SSH2: variants seen among roughly 807,000 people sequenced by gnomAD.
The protein encoded by SSH2 is protein phosphatase Slingshot homolog 2.
A neutral mutation model predicts 135.2 loss-of-function variants in SSH2; 37 were observed. The observed-to-expected ratio is 0.27, with a 90% CI of 0.21 to 0.36. The LOEUF (loss-of-function observed/expected upper bound fraction) is 0.36, where lower values mean the gene tolerates loss of function less well. Ranked by LOEUF, SSH2 falls within the 10% of genes least tolerant of loss-of-function variation. The probability of loss-of-function intolerance (pLI) is 1.00; values close to 1 mark genes in which losing one functional copy is unlikely to be tolerated. For synonymous variants in SSH2, 628 were observed against 646.2 expected (o/e 0.97, Z 0.43); for missense variants, 1,408 against 1,765.3 (o/e 0.80, Z 3.63).
At chr17:29,637,430 C>T (rs1222268575) in intron 14 of SSH2, among the ~76,000 whole-genome samples, 1 of 152,088 alleles carries the variant, frequency 6.6e-6, no homozygotes, top group African/African-American at 2.4e-5. Context: ...AACCCTTTAA[C>T]CAACAATTCT....
chr17:29,710,556 C>A (rs1055143889), intron 3 of SSH2, among the ~76,000 whole-genome samples: 14 of 152,206 alleles, frequency 9.2e-5, no homozygotes, highest in African/African-American at 3.4e-4. Context: ...TTCTCTGCTT[C>A]GTTGTTTAAT....
At chr17:29,729,995 TCAA>T (rs1280870237) in intron 3 of SSH2, among the ~76,000 whole-genome samples, 3 of 152,030 alleles carry the variant, frequency 2.0e-5, no homozygotes, top group Non-Finnish European at 4.4e-5. Context: ...GTGACTAAAG[TCAA>T]CAACAATAAA....
chr17:29,651,917 C>A (rs556147130), intron 12 of SSH2, among the ~76,000 whole-genome samples: 1 of 152,152 alleles, frequency 6.6e-6, no homozygotes, highest in East Asian at 1.9e-4. Flanking sequence ...CCGAGGTGGG[C>A]GGATCACCAG....
At chr17:29,913,821 A>G (rs2066831678) in intron 1 of SSH2, among the ~76,000 whole-genome samples, 1 of 151,806 alleles carries the variant, frequency 6.6e-6, no homozygotes, top group Non-Finnish European at 1.5e-5. Flanking sequence ...TTTAGTAGAG[A>G]CGGGATTTCT....
At chr17:29,919,450 G>A (rs1179473314) in intron 1 of SSH2, among the ~76,000 whole-genome samples, 1 of 152,196 alleles carries the variant, frequency 6.6e-6, no homozygotes, top group Non-Finnish European at 1.5e-5. Flanking sequence ...AGAGGAAAAT[G>A]AGGGGCACTG....
rs761703834 is a variant in SSH2 at position 29,630,908 on chromosome 17, G to C, written c.4286C>G (p.Pro1429Arg). 14 of 1,604,090 alleles carry C rather than the reference G, an allele frequency of 8.7e-6. No homozygotes were observed. The South Asian group carries it at 1.3e-4, about 15-fold the overall frequency. ...ATTTGCCTTTTTCAGTCTCCTAAGGGGGTGAGTTCTGCCGTGTTGCTGACG... is the reference window on the plus strand; with the variant it reads ...ATTTGCCTTTTTCAGTCTCCTAAGGCGGTGAGTTCTGCCGTGTTGCTGACG... ...APRQQHGRTH[P>R]LRRLKKANDK... Residue 1429 changes from proline (P) to arginine (R), a missense_variant, in exon 16 of 16, where the codon CCC becomes CGC. Pro to Arg is a moderately radical substitution (Grantham distance 103, BLOSUM62 -2). Transcript: ENST00000540801.
intron 3 of SSH2, among the ~76,000 whole-genome samples, chr17:29,765,785 C>T (rs2617877): frequency 0.44 from 67,204 of 151,714 alleles, 15,246 homozygotes; most frequent in Non-Finnish European, 0.48. Context: ...TTTGGGAGGC[C>T]GAGGCCGGTG....
chr17:29,763,911 T>C (rs2041382512), intron 3 of SSH2, among the ~76,000 whole-genome samples: 1 of 151,696 alleles, frequency 6.6e-6, no homozygotes, highest in African/African-American at 2.4e-5. Flanking sequence ...AACTGTAATA[T>C]AGGAAATTAA....
At chr17:29,674,100 C>T (rs2151051111) in intron 8 of SSH2, 1 of 456,700 alleles carries the variant, frequency 2.2e-6, no homozygotes, top group East Asian at 6.9e-5. Flanking sequence ...AAAGGCTGCT[C>T]CAGTTCATTC....
At chr17:29,701,162 G>A (rs1417137070) in intron 4 of SSH2, among the ~76,000 whole-genome samples, 3 of 151,968 alleles carry the variant, frequency 2.0e-5, no homozygotes, top group Non-Finnish European at 2.9e-5. Flanking sequence ...TAGTAGAGAC[G>A]GAGTTTCACC....
intron 3 of SSH2, among the ~76,000 whole-genome samples, chr17:29,793,176 T>C (rs550379456): frequency 3.6e-4 from 55 of 152,228 alleles, no homozygotes; most frequent in African/African-American, 1.2e-3. Context: ...GGAGATAAAA[T>C]AAATGTTATT....
At chr17:29,845,609 A>AT (rs888703071) in intron 2 of SSH2, among the ~76,000 whole-genome samples, 2 of 151,974 alleles carry the variant, frequency 1.3e-5, no homozygotes, top group Admixed American at 1.3e-4. Context: ...GTTTCTCTTT[A>AT]TTTTTTTTGG....
At chr17:29,721,252 A>T (rs1567914519) in intron 3 of SSH2, among the ~76,000 whole-genome samples, 1 of 152,178 alleles carries the variant, frequency 6.6e-6, no homozygotes, top group Admixed American at 6.5e-5. Flanking sequence ...TTTAACTTTC[A>T]TATGTGTTTT....
chr17:29,719,574 A>G (rs1020282657), intron 3 of SSH2, among the ~76,000 whole-genome samples: 1 of 152,074 alleles, frequency 6.6e-6, no homozygotes, highest in Non-Finnish European at 1.5e-5. Flanking sequence ...TCATTTATTG[A>G]GTACCCACCT....
intron 3 of SSH2, among the ~76,000 whole-genome samples, chr17:29,747,594 G>A (rs1187539936): frequency 6.6e-6 from 1 of 152,108 alleles, no homozygotes; most frequent in Admixed American, 6.6e-5. Context: ...TTTCTTTAAG[G>A]TAAACTTAAT....
At chr17:29,768,096 C>T (rs1464870746) in intron 3 of SSH2, among the ~76,000 whole-genome samples, 1 of 152,022 alleles carries the variant, frequency 6.6e-6, no homozygotes, top group South Asian at 2.1e-4. Context: ...ATTAAATTAA[C>T]TCAGGGCCCA....
At chr17:29,661,290 G>C (rs1352365301) in intron 11 of SSH2, among the ~76,000 whole-genome samples, 1 of 152,066 alleles carries the variant, frequency 6.6e-6, no homozygotes, top group Non-Finnish European at 1.5e-5. Flanking sequence ...AGATCAGACT[G>C]TACAAATACC....
intron 3 of SSH2, among the ~76,000 whole-genome samples, chr17:29,762,810 C>T (rs919972867): frequency 6.6e-6 from 1 of 152,166 alleles, no homozygotes; most frequent in Middle Eastern, 3.2e-3. Flanking sequence ...TTTCCAGTCT[C>T]ATTATGCTAC....
intron 3 of SSH2, among the ~76,000 whole-genome samples, chr17:29,712,672 C>G (rs1400385245): frequency 4.6e-5 from 7 of 152,160 alleles, no homozygotes; most frequent in African/African-American, 1.7e-4. Context: ...GGCATGGTGG[C>G]ATGTGCCTGT....
Sources: gnomAD v4.1 joint callset for allele counts (sites outside exome capture counted in the v4.1 genomes callset) on GRCh38, gnomAD v4.1.1 for gene constraint, MANE v1.5 for transcripts, NCBI Gene and HGNC (gene_info 2026-07-23, HGNC 2026-07-21) for gene names.